The following DSCAM variants were observed in gnomAD, a reference collection of about 807,000 sequenced individuals.
The protein encoded by DSCAM is cell adhesion molecule DSCAM.
In DSCAM, 47 loss-of-function variants were observed where a neutral mutation model predicts 217.7. The observed-to-expected ratio is 0.22, with a 90% CI of 0.17 to 0.28. DSCAM has a LOEUF of 0.28. DSCAM is among the 10% of genes least tolerant of loss of function. The pLI is 1.00. For missense variants in DSCAM, 2,080 were observed against 2,618.3 expected (o/e 0.79, Z 4.49); for synonymous variants, 1,056 against 1,015.3 (o/e 1.04, Z -0.76).
chr21:40,405,975 C>A (rs1021455800), intron 3 of DSCAM, among the ~76,000 whole-genome samples: 8 of 152,152 alleles, frequency 5.3e-5, no homozygotes, highest in African/African-American at 1.9e-4. Flanking sequence ...CCAGCCTGTG[C>A]AACAGAGTGA....
intron 5 of DSCAM, among the ~76,000 whole-genome samples, chr21:40,349,887 G>C (rs1419498803): frequency 6.6e-6 from 1 of 152,048 alleles, no homozygotes; most frequent in African/African-American, 2.4e-5. Flanking sequence ...AATGGCAAAT[G>C]ACATACAGAG....
intron 3 of DSCAM, among the ~76,000 whole-genome samples, chr21:40,686,391 A>G (rs555425449): frequency 6.6e-6 from 1 of 151,504 alleles, no homozygotes; most frequent in Non-Finnish European, 1.5e-5. Context: ...ACAAACACAC[A>G]TCATGCACCA....
intron 3 of DSCAM, among the ~76,000 whole-genome samples, chr21:40,512,331 TG>T (rs1288485054): frequency 3.7e-4 from 56 of 152,122 alleles, no homozygotes; most frequent in African/African-American, 1.3e-3. Context: ...CACTGCACAC[TG>T]GGGATACAAC....
intron 3 of DSCAM, among the ~76,000 whole-genome samples, chr21:40,554,158 C>G (rs1230674883): frequency 5.3e-5 from 8 of 151,630 alleles, no homozygotes; most frequent in Non-Finnish European, 2.9e-5. Flanking sequence ...GGACTACAGG[C>G]ATGCATCACC....
intron 11 of DSCAM, among the ~76,000 whole-genome samples, chr21:40,269,013 C>A (rs1475846380): frequency 6.6e-6 from 1 of 152,162 alleles, no homozygotes; most frequent in African/African-American, 2.4e-5. Flanking sequence ...GCTTCTCAAT[C>A]CAGATCTAAC....
At chr21:40,434,225 A>G (rs2075563020) in intron 3 of DSCAM, among the ~76,000 whole-genome samples, 1 of 152,188 alleles carries the variant, frequency 6.6e-6, no homozygotes, top group Non-Finnish European at 1.5e-5. Flanking sequence ...GTCCACCAGG[A>G]CAGGATACGT....
chr21:40,821,407 A>C (rs2091927013), intron 1 of DSCAM, among the ~76,000 whole-genome samples: 1 of 151,636 alleles, frequency 6.6e-6, no homozygotes. Flanking sequence ...ACACACACAC[A>C]CACACACACA....
chr21:40,475,778 C>T (rs922299720), intron 3 of DSCAM, among the ~76,000 whole-genome samples: 3 of 152,088 alleles, frequency 2.0e-5, no homozygotes, highest in Non-Finnish European at 4.4e-5. Context: ...TTGCAGTGAG[C>T]CTAGATCGTG....
At chr21:40,451,219 A>T (rs2075716479) in intron 3 of DSCAM, among the ~76,000 whole-genome samples, 1 of 152,182 alleles carries the variant, frequency 6.6e-6, no homozygotes. Context: ...GCCACAATGT[A>T]AGAGAAGGCC....
intron 1 of DSCAM, among the ~76,000 whole-genome samples, chr21:40,819,262 A>G (rs2091907671): frequency 6.6e-6 from 1 of 152,216 alleles, no homozygotes; most frequent in Non-Finnish European, 1.5e-5. Context: ...CTTTCAGCTA[A>G]TTTAACATTT....
chr21:40,844,287 C>G (rs2092126869), intron 1 of DSCAM, among the ~76,000 whole-genome samples: 1 of 152,132 alleles, frequency 6.6e-6, no homozygotes, highest in Admixed American at 6.5e-5. Context: ...GTAATGAACA[C>G]CATACCTTAG....
intron 1 of DSCAM, among the ~76,000 whole-genome samples, chr21:40,747,711 C>T (rs1031703101): frequency 9.9e-5 from 15 of 151,832 alleles, no homozygotes; most frequent in African/African-American, 3.6e-4. Context: ...CTTCCAAACT[C>T]ATTCTATGAG....
chr21:40,275,311 C>G (rs1226894764), intron 11 of DSCAM, among the ~76,000 whole-genome samples: 1 of 151,966 alleles, frequency 6.6e-6, no homozygotes, highest in Non-Finnish European at 1.5e-5. Context: ...GCCTGGGCAA[C>G]AGAGTGAGCC....
chr21:40,781,707 T>G lies in DSCAM; in HGVS notation c.43+64912A>C, dbSNP rs567770100. ...TGAGCTAATTAACTTTTCTTTGCAT[T>G]TCCATAGAAACCACCCCAACCCAGG... On this transcript the variant is annotated intron_variant, in intron 1 of 32. Transcript: ENST00000400454. Among the ~76,000 whole-genome samples, 5 of 152,174 alleles carry G rather than the reference T, an allele frequency of 3.3e-5. No homozygotes were observed. The East Asian group carries it at 9.7e-4, about 29-fold the overall frequency.
At chr21:40,188,026 G>A in intron 12 of DSCAM, 39 bp from the exon 13 acceptor site, 1 of 1,543,144 alleles carries the variant, frequency 6.5e-7, no homozygotes, top group Non-Finnish European at 8.9e-7. Context: ...TTTTTCAGTA[G>A]GCAAAATGAC....
intron 16 of DSCAM, among the ~76,000 whole-genome samples, chr21:40,150,536 T>C (rs2090413705): frequency 6.6e-6 from 1 of 152,124 alleles, no homozygotes; most frequent in Non-Finnish European, 1.5e-5. Flanking sequence ...GTATATTAAG[T>C]GTAAGAAATG....
At chr21:40,022,050 T>C (rs2088282330) in intron 32 of DSCAM, among the ~76,000 whole-genome samples, 1 of 152,206 alleles carries the variant, frequency 6.6e-6, no homozygotes, top group Non-Finnish European at 1.5e-5. Context: ...AATACTGAAA[T>C]AACAAGAATG....
intron 20 of DSCAM, among the ~76,000 whole-genome samples, chr21:40,114,538 G>C (rs888212247): frequency 6.6e-6 from 1 of 151,962 alleles, no homozygotes; most frequent in Non-Finnish European, 1.5e-5. Context: ...AAAAGCAATG[G>C]CAACAAAAGC....
chr21:40,120,278 C>T (rs1310991606), intron 20 of DSCAM, among the ~76,000 whole-genome samples: 1 of 152,144 alleles, frequency 6.6e-6, no homozygotes, highest in Non-Finnish European at 1.5e-5. Context: ...ATATTTTATG[C>T]CTTCTGATTT....
Sources: gnomAD v4.1 joint callset for allele counts (sites outside exome capture counted in the v4.1 genomes callset) on GRCh38, gnomAD v4.1.1 for gene constraint, MANE v1.5 for transcripts, NCBI Gene and HGNC (gene_info 2026-07-23, HGNC 2026-07-21) for gene names.